CSMD1: variants seen among roughly 807,000 people sequenced by gnomAD.
CSMD1 encodes the protein CUB and Sushi multiple domains 1, also known as CUB and sushi domain-containing protein 1.
CSMD1 carries 213 observed loss-of-function variants against 417.5 expected under a neutral mutation model. That is an observed-to-expected ratio of 0.51 (90% CI 0.46 to 0.57). The LOEUF is 0.57. Among genes scored for constraint, CSMD1 ranks in the 20% least tolerant of loss-of-function variants. The pLI is 0.00. For missense variants in CSMD1, 6,923 were observed against 4,529.7 expected, an observed-to-expected ratio of 1.53 and a Z score of -15.17; for synonymous variants, 2,862 against 1,736.8, an observed-to-expected ratio of 1.65 and a Z score of -16.11.
chr8:4,908,637 G>T (rs9987242), intron 1 of CSMD1, among the ~76,000 whole-genome samples: 5,929 of 150,978 alleles, frequency 0.039, 142 homozygotes, highest in South Asian at 0.053. Flanking sequence ...GCTATATTCA[G>T]TCTAGCAATG....
chr8:3,123,568 G>A (rs1157867221), intron 41 of CSMD1, among the ~76,000 whole-genome samples: 3 of 151,742 alleles, frequency 2.0e-5, no homozygotes, highest in Non-Finnish European at 4.4e-5. Context: ...GGAAAAATGA[G>A]TCCTACTGTA....
chr8:3,297,487 G>C (rs989112351), intron 25 of CSMD1, among the ~76,000 whole-genome samples: 5 of 152,086 alleles, frequency 3.3e-5, no homozygotes, highest in Admixed American at 2.0e-4. Flanking sequence ...AAATGAAATG[G>C]AATACAGTTT....
intron 1 of CSMD1, among the ~76,000 whole-genome samples, chr8:4,820,842 C>G (rs1289022628): frequency 2.0e-5 from 3 of 152,138 alleles, no homozygotes; most frequent in African/African-American, 7.2e-5. Flanking sequence ...AAGCTAAATA[C>G]TAATGCAAGA....
intron 10 of CSMD1, 84 bp from the exon 11 acceptor site, chr8:3,493,810 C>T: frequency 8.3e-7 from 1 of 1,207,584 alleles, no homozygotes; most frequent in East Asian, 2.6e-5. Context: ...TCTAGTTATA[C>T]TGTTAAATTT....
chr8:3,445,949 G>A (rs7008713), intron 12 of CSMD1, among the ~76,000 whole-genome samples: 108,507 of 152,072 alleles, frequency 0.71, 39,115 homozygotes, highest in African/African-American at 0.83. Context: ...GAGAGGCAAC[G>A]ATGAAATGAC....
chr8:3,895,456 T>C (rs1807296875), intron 5 of CSMD1, among the ~76,000 whole-genome samples: 1 of 152,112 alleles, frequency 6.6e-6, no homozygotes, highest in Admixed American at 6.5e-5. Context: ...TGTTTAAATC[T>C]TAGCAGACAA....
chr8:4,710,127 G>C (rs911793028), intron 1 of CSMD1, among the ~76,000 whole-genome samples: 3 of 152,010 alleles, frequency 2.0e-5, no homozygotes, highest in Non-Finnish European at 2.9e-5. Context: ...CCTTCGCCTG[G>C]AGGTTATTCT....
intron 10 of CSMD1, among the ~76,000 whole-genome samples, chr8:3,556,414 T>TATATATATATATATATATATATATA (rs1349911850): frequency 1.9e-4 from 27 of 142,010 alleles, no homozygotes; most frequent in South Asian, 4.4e-4. Flanking sequence ...TATATATATA[T>TATATATATATATATATATATATATA]TCACACACAC....
chr8:3,488,672 A>C (rs1294776896), intron 11 of CSMD1, among the ~76,000 whole-genome samples: 4 of 152,174 alleles, frequency 2.6e-5, no homozygotes, highest in African/African-American at 9.7e-5. Flanking sequence ...TTCAATAAAT[A>C]ATTATTTAAA....
At chr8:4,702,092 A>T (rs572558028) in intron 1 of CSMD1, among the ~76,000 whole-genome samples, 1 of 152,240 alleles carries the variant, frequency 6.6e-6, no homozygotes, top group African/African-American at 2.4e-5. Context: ...GGAACAACAC[A>T]TACTGGAGCC....
intron 3 of CSMD1, among the ~76,000 whole-genome samples, chr8:4,317,473 A>C (rs191564626): frequency 8.9e-4 from 135 of 152,288 alleles, no homozygotes; most frequent in African/African-American, 3.1e-3. Flanking sequence ...TGCCAGTGTA[A>C]GGCATGTACA....
intron 5 of CSMD1, among the ~76,000 whole-genome samples, chr8:3,790,597 A>T (rs1039617986): frequency 6.6e-6 from 1 of 152,220 alleles, no homozygotes; most frequent in South Asian, 2.1e-4. Context: ...TTTGGCATAC[A>T]CAACAATTAC....
At chr8:3,176,476 G>A (rs1022817498) in intron 37 of CSMD1, among the ~76,000 whole-genome samples, 2 of 152,110 alleles carry the variant, frequency 1.3e-5, no homozygotes, top group East Asian at 3.9e-4. Flanking sequence ...TTTAGTATTG[G>A]TATAACTATC....
intron 5 of CSMD1, among the ~76,000 whole-genome samples, chr8:3,765,285 G>A (rs560144684): frequency 4.6e-5 from 7 of 152,056 alleles, no homozygotes; most frequent in Non-Finnish European, 8.8e-5. Context: ...CTAGCCCCAC[G>A]GACTCACTTT....
At chr8:3,347,595 T>A (rs1206058585) in intron 22 of CSMD1, among the ~76,000 whole-genome samples, 1 of 152,194 alleles carries the variant, frequency 6.6e-6, no homozygotes. Flanking sequence ...TCCTGCAACT[T>A]TTAATAATTA....
chr8:4,933,138 T>G (rs540272024), intron 1 of CSMD1, among the ~76,000 whole-genome samples: 61 of 152,196 alleles, frequency 4.0e-4, no homozygotes, highest in Non-Finnish European at 7.5e-4. Context: ...CTATCTGGTA[T>G]ATGTTTTTCT....
chr8:4,847,612 CT>C (rs1440154906), intron 1 of CSMD1, among the ~76,000 whole-genome samples: 2 of 151,962 alleles, frequency 1.3e-5, no homozygotes, highest in Non-Finnish European at 2.9e-5. Flanking sequence ...TATCGTTTAT[CT>C]CTTCCAGGAC....
chr8:3,280,734 C>T (rs887793472), intron 26 of CSMD1, among the ~76,000 whole-genome samples: 1 of 151,792 alleles, frequency 6.6e-6, no homozygotes, highest in Non-Finnish European at 1.5e-5. Context: ...TAGTAATTGT[C>T]ATTTCTGTAG....
At chr8:4,099,730 C>G (rs1034375685) in intron 3 of CSMD1, among the ~76,000 whole-genome samples, 1 of 152,108 alleles carries the variant, frequency 6.6e-6, no homozygotes, top group Non-Finnish European at 1.5e-5. Flanking sequence ...TTGCTTTCTC[C>G]CCTCCTTAAA....
Sources: gnomAD v4.1 joint callset for allele counts (sites outside exome capture counted in the v4.1 genomes callset) on GRCh38, gnomAD v4.1.1 for gene constraint, MANE v1.5 for transcripts, NCBI Gene and HGNC (gene_info 2026-07-23, HGNC 2026-07-21) for gene names.